Variants in QKI observed in about 807,000 individuals in gnomAD.
The protein encoded by QKI is QKI, KH domain containing RNA binding, also known as KH domain-containing RNA-binding protein QKI.
A neutral mutation model predicts 39.0 loss-of-function variants in QKI; 10 were observed. That is an observed-to-expected ratio of 0.26 (90% CI 0.16 to 0.43). The LOEUF (loss-of-function observed/expected upper bound fraction) is 0.43. Among genes scored for constraint, QKI ranks in the 20% least tolerant of loss-of-function variants. The pLI, the probability that QKI is intolerant of heterozygous loss-of-function variation, is 1.00. For missense variants in QKI, 218 were observed against 428.0 expected, an observed-to-expected ratio of 0.51 and a Z score of 4.33; for synonymous variants, 204 against 155.4, an observed-to-expected ratio of 1.31 and a Z score of -2.33.
intron 4 of QKI, among the ~76,000 whole-genome samples, chr6:163,541,230 G>A (rs980091363): frequency 1.1e-4 from 16 of 151,900 alleles, no homozygotes; most frequent in Middle Eastern, 6.3e-3. Flanking sequence ...TCTTTGAGCC[G>A]TGTTTTATTT....
chr6:163,444,278 A>T (rs1789981262), intron 1 of QKI, among the ~76,000 whole-genome samples: 1 of 152,212 alleles, frequency 6.6e-6, no homozygotes, highest in African/African-American at 2.4e-5. Flanking sequence ...CATAAATGTG[A>T]TGTGGTCTAA....
At chr6:163,434,963 A>G (rs1170214713) in intron 1 of QKI, among the ~76,000 whole-genome samples, 1 of 152,166 alleles carries the variant, frequency 6.6e-6, no homozygotes, top group Admixed American at 6.5e-5. Flanking sequence ...AAACTGTAAA[A>G]TAAACCATTA....
chr6:163,567,136 TC>T (rs1469602707), intron 7 of QKI: 1 of 1,016,836 alleles, frequency 9.8e-7, no homozygotes, highest in Non-Finnish European at 1.2e-6. Flanking sequence ...TTTTAAAAGT[TC>T]TGAAATTTGG....
In QKI at chr6:163,570,868, A is replaced by T; in HGVS notation, c.*158A>T. 9.5e-7 allele frequency: 1 copy of T among 1,049,716 alleles called. No individual in the cohort carries two copies. The highest frequency in any genetic ancestry group is 1.3e-6 in the Non-Finnish European group (1 of 745,760). The allele number at this position is 1,049,716 out of a possible 1,614,324, so 65.0% of individuals were successfully genotyped here. A position where few individuals can be genotyped will look rare whatever the true frequency, so the allele number is the denominator to read the frequency against. On this transcript the variant is annotated 3_prime_UTR_variant, in exon 8 of 8. Coordinates refer to ENST00000361752, the MANE Select transcript of QKI (RefSeq NM_006775.3). ...CTTACCATCTAACCAAACAAAAGAC[A>T]AAGAAATTGTTGTCCTCCAACTCAG... is the stretch of plus-strand genomic sequence containing the variant.
chr6:163,557,398 G>A (rs1304013114), intron 4 of QKI, among the ~76,000 whole-genome samples: 1 of 152,166 alleles, frequency 6.6e-6, no homozygotes, highest in Non-Finnish European at 1.5e-5. Context: ...GATGAAACTG[G>A]AGGTCATTAT....
intron 2 of QKI, among the ~76,000 whole-genome samples, chr6:163,468,127 A>G (rs1562462549): frequency 6.6e-6 from 1 of 152,124 alleles, no homozygotes; most frequent in African/African-American, 2.4e-5. Flanking sequence ...GCTAAGTGAA[A>G]GACTTCAGAA....
At chr6:163,464,278 A>AT (rs146851251) in intron 2 of QKI, among the ~76,000 whole-genome samples, 3,087 of 146,688 alleles carry the variant, frequency 0.021, 60 homozygotes, top group African/African-American at 0.055. Flanking sequence ...ATTTCCTGGG[A>AT]TTTTTTTTTT....
At chr6:163,532,816 C>T (rs747126715) in intron 3 of QKI, among the ~76,000 whole-genome samples, 4 of 152,056 alleles carry the variant, frequency 2.6e-5, no homozygotes, top group Non-Finnish European at 4.4e-5. Flanking sequence ...TTGGCTGCCT[C>T]GGTTTCCCTG....
chr6:163,448,122 C>G (rs1032014951), intron 1 of QKI, among the ~76,000 whole-genome samples: 2 of 152,108 alleles, frequency 1.3e-5, no homozygotes, highest in African/African-American at 2.4e-5. Flanking sequence ...TCAGGAAAAT[C>G]GAATTAACAT....
chr6:163,462,503 T>C (rs945337323), intron 2 of QKI, among the ~76,000 whole-genome samples: 12 of 152,224 alleles, frequency 7.9e-5, no homozygotes, highest in Non-Finnish European at 1.8e-4. Context: ...TATCCTGTAT[T>C]GTTTGGGGTT....
At chr6:163,527,657 TAA>T (rs1233148425) in intron 3 of QKI, among the ~76,000 whole-genome samples, 1 of 152,170 alleles carries the variant, frequency 6.6e-6, no homozygotes, top group East Asian at 1.9e-4. Flanking sequence ...CAGCGATTCA[TAA>T]AGTTTTTCAA....
At chr6:163,508,357 G>A (rs1779224629) in intron 3 of QKI, among the ~76,000 whole-genome samples, 1 of 152,092 alleles carries the variant, frequency 6.6e-6, no homozygotes, top group Admixed American at 6.6e-5. Context: ...ACTGTGAAAA[G>A]CCGAAGATTA....
At chr6:163,475,589 T>C (rs1792529133) in intron 2 of QKI, among the ~76,000 whole-genome samples, 3 of 152,092 alleles carry the variant, frequency 2.0e-5, no homozygotes, top group Admixed American at 2.0e-4. Context: ...GATAAATATT[T>C]ATGACAGTGA....
intron 4 of QKI, among the ~76,000 whole-genome samples, chr6:163,559,949 C>T (rs1380511273): frequency 3.9e-5 from 6 of 152,066 alleles, no homozygotes; most frequent in Non-Finnish European, 7.4e-5. Context: ...TACTGGGATT[C>T]GATGATACAT....
At chr6:163,569,081 CA>C in intron 7 of QKI, 1 of 948,426 alleles carries the variant, frequency 1.1e-6, no homozygotes, top group Non-Finnish European at 1.3e-6. Flanking sequence ...TGAGTAACAT[CA>C]AAAATGCTTT....
chr6:163,510,957 T>A (rs1382598018), intron 3 of QKI, among the ~76,000 whole-genome samples: 1 of 152,222 alleles, frequency 6.6e-6, no homozygotes, highest in Non-Finnish European at 1.5e-5. Flanking sequence ...CGTTATATCT[T>A]ACAGCTAGAG....
chr6:163,459,078 G>A (rs1372725192), intron 2 of QKI, among the ~76,000 whole-genome samples: 1 of 152,164 alleles, frequency 6.6e-6, no homozygotes, highest in Non-Finnish European at 1.5e-5. Flanking sequence ...AGGGTCTACT[G>A]GTTAGGGTGA....
chr6:163,479,060 C>A (rs989952145), intron 3 of QKI, among the ~76,000 whole-genome samples, 164 bp downstream of exon 3: 1 of 151,988 alleles, frequency 6.6e-6, no homozygotes, highest in Non-Finnish European at 1.5e-5. Context: ...CCGAGGCAGG[C>A]GGATCGTCTG....
chr6:163,540,844 A>G (rs1443539601), intron 4 of QKI, among the ~76,000 whole-genome samples: 9 of 151,984 alleles, frequency 5.9e-5, no homozygotes, highest in Non-Finnish European at 7.4e-5. Flanking sequence ...GTAGGTTTTT[A>G]TCTAGTCTAA....
Sources: allele counts gnomAD v4.1 joint callset (sites outside exome capture counted in the v4.1 genomes callset), GRCh38; gene constraint gnomAD v4.1.1; transcripts MANE v1.5; gene names NCBI Gene and HGNC (gene_info 2026-07-23, HGNC 2026-07-21).